The following MCF2L2 variants were observed in gnomAD, a reference collection of about 807,000 sequenced individuals.
MCF2L2 encodes the protein MCF.2 cell line derived transforming sequence-like 2, also known as probable guanine nucleotide exchange factor MCF2L2.
In MCF2L2, 102 loss-of-function variants were observed where a neutral mutation model predicts 150.2. The ratio of observed to expected loss-of-function variants is 0.68; its 90% confidence interval spans 0.58 to 0.80. The LOEUF (loss-of-function observed/expected upper bound fraction) is 0.80. Ranked by LOEUF, MCF2L2 falls within the 30% of genes least tolerant of loss-of-function variation. The pLI, the probability that MCF2L2 is intolerant of heterozygous loss-of-function variation, is 0.00. For missense variants in MCF2L2, 1,256 were observed against 1,372.8 expected (o/e 0.91, Z 1.34); for synonymous variants, 465 against 491.3 (o/e 0.95, Z 0.71).
At chr3:183,302,662 G>A (rs1197973617) in intron 10 of MCF2L2, among the ~76,000 whole-genome samples, 2 of 152,038 alleles carry the variant, frequency 1.3e-5, no homozygotes, top group Non-Finnish European at 1.5e-5. Context: ...CGAGAGATAC[G>A]GCTTACGGCT....
rs571549917 is a variant in MCF2L2 at position 183,424,729 on chromosome 3, A to C, written c.76+3173T>G. ...ATCATGTCCCACCAGCAAGATCAGA[A>C]ATGATACCATGAAGGAGATGGCATT... On this transcript the variant is annotated intron_variant, in intron 1 of 29. Coordinates refer to ENST00000328913, the MANE Select transcript of MCF2L2 (RefSeq NM_015078.4). Among the ~76,000 whole-genome samples, 8 of 152,308 alleles carry C rather than the reference A, an allele frequency of 5.3e-5. No individual in the cohort carries two copies. In the South Asian group the frequency reaches 1.2e-3, roughly 24 times the overall value.
intron 22 of MCF2L2, among the ~76,000 whole-genome samples, chr3:183,213,289 G>C (rs1722803879): frequency 6.8e-6 from 1 of 148,048 alleles, no homozygotes. Context: ...CAAATAGATA[G>C]AAGTAAATTA....
Position 183,283,203 on chromosome 3 carries a change from C to A in MCF2L2, c.1776+5917G>T, listed in dbSNP as rs1357434041. ...CAATGGGTATGATTTCTGCTCACCT[C>A]TTTTTGCCATAGCTATTAGTAAGCT... On this transcript the variant is annotated intron_variant, in intron 14 of 29. Transcript: ENST00000328913. This position sits in a 1 kb window ranked among gnomAD's most constrained non-coding sequence, Gnocchi z 4.2. Among the ~76,000 whole-genome samples the A allele has an allele frequency of 6.6e-6, 1 of 152,226 alleles. No individual in the cohort carries two copies. Among genetic ancestry groups the A allele is most frequent in the Admixed American group, 6.5e-5 (1 of 15,274 alleles).
At chr3:183,347,047 G>GA (rs1460252512) in intron 3 of MCF2L2, among the ~76,000 whole-genome samples, 2 of 152,178 alleles carry the variant, frequency 1.3e-5, no homozygotes, top group African/African-American at 4.8e-5. Flanking sequence ...CACAGAATTA[G>GA]AAAAAACTAC....
At position 183,179,126 on chromosome 3, in the gene MCF2L2, G is replaced by C. The variant is rs1375540591; in HGVS notation, c.*254C>G. The C allele has an allele frequency of 7.5e-6, 3 of 399,322 alleles. No homozygotes were observed. Among genetic ancestry groups the C allele is most frequent in the Admixed American group, 4.5e-5 (1 of 22,228 alleles). 24.7% of individuals were successfully genotyped at this position (399,322 alleles called of 1,614,324 possible). A position where few individuals can be genotyped will look rare whatever the true frequency, so the allele number is the denominator to read the frequency against. On this transcript the variant is annotated 3_prime_UTR_variant, in exon 30 of 30. Transcript: ENST00000328913. The surrounding 1 kb of genome is among the most constrained non-coding windows in gnomAD (Gnocchi z 4.2). ...GCTCCGAATATCGAAGTGCGCGGTC[G>C]AGAAGGCGTGGGCTGCGGGCTCTGC...
At chr3:183,229,475 C>A (rs993594883) in intron 17 of MCF2L2, among the ~76,000 whole-genome samples, 191 bp downstream of exon 17, 6 of 152,176 alleles carry the variant, frequency 3.9e-5, no homozygotes, top group African/African-American at 7.2e-5. Context: ...TGTCTCTTCC[C>A]TTTCTCTCCA....
chr3:183,409,827 A>G (rs555385987), intron 1 of MCF2L2, among the ~76,000 whole-genome samples: 3 of 152,292 alleles, frequency 2.0e-5, no homozygotes. Flanking sequence ...AAGTGCTAGG[A>G]TTACAAGCGT....
At chr3:183,216,581 T>TATATATATATA (rs1183230579) in intron 21 of MCF2L2, among the ~76,000 whole-genome samples, 1 of 1,380 alleles carries the variant, frequency 7.2e-4, no homozygotes, top group Non-Finnish European at 4.0e-3. Context: ...TATATATATA[T>TATATATATATA]TTTTTTTTTT....
intron 23 of MCF2L2, 76 bp downstream of exon 23, chr3:183,207,532 C>G: frequency 8.7e-7 from 1 of 1,144,826 alleles, no homozygotes; most frequent in Non-Finnish European, 1.3e-6. Context: ...GCAGCTTCCT[C>G]ATCTGTAAAA....
Position 183,276,973 on chromosome 3 carries a change from T to C in MCF2L2, c.1777-16A>G. The C allele has an allele frequency of 6.4e-7, 1 of 1,561,344 alleles. No individual in the cohort carries two copies. Among genetic ancestry groups the C allele is most frequent in the Admixed American group, 1.8e-5 (1 of 57,050 alleles). The stretch of plus-strand genomic sequence containing the variant: ...TTTCTTCACTCTGAAGTGAAAGAAA[T>C]TTTGGTAAGATTTGATATTGTAGGG... On this transcript the variant is annotated splice_polypyrimidine_tract_variant and intron_variant, in intron 14 of 29. Transcript: ENST00000328913.
chr3:183,334,931 T>C (rs1217727479), intron 5 of MCF2L2, among the ~76,000 whole-genome samples: 2 of 151,368 alleles, frequency 1.3e-5, no homozygotes, highest in African/African-American at 4.9e-5. Flanking sequence ...ATGGTGAAAC[T>C]CCATTTCTAC....
intron 15 of MCF2L2, among the ~76,000 whole-genome samples, chr3:183,232,703 C>A (rs1723614984): frequency 6.6e-6 from 1 of 152,138 alleles, no homozygotes; most frequent in Non-Finnish European, 1.5e-5. Flanking sequence ...AGGAGATTCA[C>A]ACAAATATTC....
At chr3:183,382,276 CTCG>C (rs1713576225) in intron 2 of MCF2L2, among the ~76,000 whole-genome samples, 2 of 152,140 alleles carry the variant, frequency 1.3e-5, no homozygotes, top group Non-Finnish European at 2.9e-5. Context: ...CCAGGCTGGT[CTCG>C]AACTCCTGAC....
chr3:183,195,600 T>G (rs1722056386), intron 25 of MCF2L2, among the ~76,000 whole-genome samples: 1 of 152,120 alleles, frequency 6.6e-6, no homozygotes. Context: ...GAGCCCAAAT[T>G]ATGTGACTTG....
At chr3:183,280,233 T>C (rs1333682681) in intron 14 of MCF2L2, among the ~76,000 whole-genome samples, 2 of 152,120 alleles carry the variant, frequency 1.3e-5, no homozygotes, top group Non-Finnish European at 2.9e-5. Flanking sequence ...AAAACACTTA[T>C]AATCTAATTG....
chr3:183,202,491 AT>A (rs945027240), intron 25 of MCF2L2, among the ~76,000 whole-genome samples: 3 of 152,220 alleles, frequency 2.0e-5, no homozygotes, highest in Non-Finnish European at 4.4e-5. Flanking sequence ...CCTCTGGCTG[AT>A]CTTGATGATC....
intron 3 of MCF2L2, among the ~76,000 whole-genome samples, chr3:183,365,777 C>T (rs1380423715): frequency 2.0e-5 from 3 of 151,914 alleles, no homozygotes; most frequent in Non-Finnish European, 2.9e-5. Context: ...AAATTCTTCA[C>T]GGCAAAAAAA....
chr3:183,374,339 T>G (rs990604408), intron 3 of MCF2L2: 1 of 152,120 alleles, frequency 6.6e-6, no homozygotes, highest in Non-Finnish European at 1.5e-5. Flanking sequence ...CCAAATATGC[T>G]CTGTTGAAAA....
intron 25 of MCF2L2, among the ~76,000 whole-genome samples, chr3:183,195,775 C>T (rs141629822): frequency 6.6e-6 from 1 of 152,304 alleles, no homozygotes; most frequent in East Asian, 1.9e-4. Flanking sequence ...TTGAGGCCAT[C>T]TCAATCTTTT....
Sources: allele counts gnomAD v4.1 joint callset (sites outside exome capture counted in the v4.1 genomes callset), GRCh38; gene constraint gnomAD v4.1.1; non-coding constraint Gnocchi (gnomAD v3.1); transcripts MANE v1.5; gene names NCBI Gene and HGNC (gene_info 2026-07-23, HGNC 2026-07-21).